Variants in AP3B1 observed in about 807,000 individuals in gnomAD.
AP3B1 encodes the protein AP-3 complex subunit beta-1.
Under a neutral mutation model 132.5 loss-of-function variants are expected in AP3B1, and 61 were observed. The observed-to-expected ratio is 0.46, with a 90% CI of 0.37 to 0.57. The LOEUF (loss-of-function observed/expected upper bound fraction) is 0.57. AP3B1 is among the 20% of genes least tolerant of loss of function. The pLI, the probability that AP3B1 is intolerant of heterozygous loss-of-function variation, is 0.00. For missense variants in AP3B1, 1,120 were observed against 1,289.4 expected (o/e 0.87, Z 2.01); for synonymous variants, 388 against 438.3 (o/e 0.89, Z 1.43).
intron 2 of AP3B1, among the ~76,000 whole-genome samples, chr5:78,257,676 A>C (rs2112546677): frequency 6.6e-6 from 1 of 152,348 alleles, no homozygotes; most frequent in East Asian, 1.9e-4. Context: ...GAAATCCTAA[A>C]ATTTATATGG....
chr5:78,176,581 T>C (rs968111786), intron 9 of AP3B1, among the ~76,000 whole-genome samples: 1 of 152,136 alleles, frequency 6.6e-6, no homozygotes, highest in Non-Finnish European at 1.5e-5. Context: ...AACAACTAAT[T>C]ACTGAAAAAT....
chr5:78,185,748 T>C (rs1744578241), intron 7 of AP3B1, among the ~76,000 whole-genome samples: 1 of 152,148 alleles, frequency 6.6e-6, no homozygotes, highest in Non-Finnish European at 1.5e-5. Context: ...TATGTACCCA[T>C]AGTCTTAGCT....
intron 18 of AP3B1, chr5:78,115,920 A>C: frequency 6.8e-6 from 4 of 588,240 alleles, no homozygotes; most frequent in East Asian, 6.9e-5. Context: ...CTACTATCCA[A>C]GAGATATTGT....
chr5:78,287,524 C>T (rs560091274), intron 1 of AP3B1, among the ~76,000 whole-genome samples: 1 of 152,238 alleles, frequency 6.6e-6, no homozygotes, highest in African/African-American at 2.4e-5. Flanking sequence ...TGGAACCCTA[C>T]TGCACCACTG....
intron 19 of AP3B1, 69 bp downstream of exon 19, chr5:78,113,683 G>T: frequency 1.0e-5 from 16 of 1,563,032 alleles, no homozygotes; most frequent in Non-Finnish European, 1.3e-5. Flanking sequence ...TGATTAATAA[G>T]AAACATCTCT....
At chr5:78,129,009 A>G (rs1272207324) in intron 16 of AP3B1, 112 bp downstream of exon 16, 5 of 893,122 alleles carry the variant, frequency 5.6e-6, no homozygotes, top group African/African-American at 5.1e-5. Flanking sequence ...ATATTTATAT[A>G]TGCGAATCAT....
chr5:78,185,158 G>A (rs183645993), intron 7 of AP3B1, among the ~76,000 whole-genome samples: 51 of 152,250 alleles, frequency 3.3e-4, no homozygotes, highest in Middle Eastern at 6.8e-3. Context: ...GACATTTTCA[G>A]ATAAAGGGGA....
chr5:78,228,244 T>TAA lies in AP3B1; in HGVS notation c.280-7_280-6dup, dbSNP rs5868908. 2.6e-4 allele frequency: 400 copies of TAA among 1,558,230 alleles called. 1 individual carries two copies. Among genetic ancestry groups the TAA allele is most frequent in the Non-Finnish European group, 2.8e-4 (321 of 1,140,552 alleles). On this transcript the variant is annotated splice_polypyrimidine_tract_variant and splice_region_variant and intron_variant, in intron 3 of 26. Transcript: ENST00000255194. ...AACATATACCAACTTCTTGATCTGT[T>TAA]AAAAAAAAATCATTTATTCATAACC...
At chr5:78,188,350 T>C (rs1561466186) in intron 7 of AP3B1, among the ~76,000 whole-genome samples, 1 of 152,172 alleles carries the variant, frequency 6.6e-6, no homozygotes, top group Non-Finnish European at 1.5e-5. Context: ...AAAGGGCTAA[T>C]ATCCAGAACC....
At chr5:78,203,902 T>G (rs1745400244) in intron 7 of AP3B1, among the ~76,000 whole-genome samples, 1 of 152,218 alleles carries the variant, frequency 6.6e-6, no homozygotes, top group African/African-American at 2.4e-5. Context: ...ATTTAAGTTA[T>G]TATACGTTTT....
chr5:78,039,145 G>A lies in AP3B1; in HGVS notation c.2707C>T (p.Gln903Ter). 1 of 1,613,454 alleles carries A rather than the reference G, an allele frequency of 6.2e-7. No individual in the cohort carries two copies. The highest frequency in any genetic ancestry group is 8.5e-7 in the Non-Finnish European group (1 of 1,179,506). The part of the protein sequence containing the change: ...CIFGDKMVSI[Q>*]ITLNNTTDRK... The stretch of plus-strand genomic sequence containing the variant: ...TCAGTAGTGTTATTCAGTGTTATTT[G>A]TATAGAGACCATCTTATCACCAAAA... The change falls in exon 23 of 27, where the codon CAA (glutamine) becomes TAA (stop). Residue 903 changes from glutamine (Q) to a stop codon, truncating the protein, a stop_gained. Coordinates refer to ENST00000255194, the MANE Select transcript of AP3B1 (RefSeq NM_003664.5). LOFTEE classifies it high-confidence loss of function.
At chr5:78,079,205 T>C (rs768072230) in intron 22 of AP3B1, among the ~76,000 whole-genome samples, 6 of 152,208 alleles carry the variant, frequency 3.9e-5, no homozygotes, top group Non-Finnish European at 8.8e-5. Flanking sequence ...ATGGCTAACA[T>C]AAGTTAACAT....
chr5:78,009,865 A>G (rs536247151), intron 26 of AP3B1, among the ~76,000 whole-genome samples: 2 of 152,350 alleles, frequency 1.3e-5, no homozygotes, highest in South Asian at 4.1e-4. Flanking sequence ...TGAATAAGCT[A>G]AGAACTAAAA....
chr5:78,230,096 A>G (rs549597080), intron 3 of AP3B1, among the ~76,000 whole-genome samples: 1 of 152,328 alleles, frequency 6.6e-6, no homozygotes, highest in East Asian at 1.9e-4. Flanking sequence ...ACTTCCACAG[A>G]TATGACTAAT....
intron 23 of AP3B1, among the ~76,000 whole-genome samples, chr5:78,038,437 A>T (rs1747899258): frequency 6.6e-6 from 1 of 152,194 alleles, no homozygotes. Context: ...ACTAACCCTA[A>T]TGATAGCTGA....
At chr5:78,151,292 A>G (rs529834314) in intron 14 of AP3B1, among the ~76,000 whole-genome samples, 176 of 152,332 alleles carry the variant, frequency 1.2e-3, no homozygotes, top group African/African-American at 4.1e-3. Flanking sequence ...ACCTCCAAAT[A>G]TAAGATAATA....
chr5:78,017,066 G>C (rs1220303867), intron 25 of AP3B1, among the ~76,000 whole-genome samples: 2 of 152,048 alleles, frequency 1.3e-5, no homozygotes, highest in Non-Finnish European at 2.9e-5. Flanking sequence ...CCTGTAAATG[G>C]AAAGATGGAT....
intron 25 of AP3B1, among the ~76,000 whole-genome samples, chr5:78,018,333 T>TA (rs1220991653): frequency 2.6e-5 from 4 of 151,884 alleles, no homozygotes; most frequent in Non-Finnish European, 4.4e-5. Flanking sequence ...TATATATATA[T>TA]AAAAAAGTTT....
intron 11 of AP3B1, 73 bp downstream of exon 11, chr5:78,175,553 G>T: frequency 8.6e-7 from 1 of 1,166,192 alleles, no homozygotes; most frequent in Non-Finnish European, 1.3e-6. Flanking sequence ...CATCCCACAG[G>T]TGCTAAAAGC....
Sources: allele counts gnomAD v4.1 joint callset (sites outside exome capture counted in the v4.1 genomes callset), GRCh38; gene constraint gnomAD v4.1.1; transcripts MANE v1.5; gene names NCBI Gene and HGNC (gene_info 2026-07-23, HGNC 2026-07-21).